INKA2: variants seen among roughly 807,000 people sequenced by gnomAD.
INKA2 encodes the protein PAK4-inhibitor INKA2.
A neutral mutation model predicts 9.8 loss-of-function variants in INKA2; 3 were observed. The ratio of observed to expected loss-of-function variants is 0.31; its 90% confidence interval spans 0.14 to 0.79. INKA2 has a LOEUF of 0.79. INKA2 is among the 30% of genes least tolerant of loss of function. The pLI is 0.62. For synonymous variants in INKA2, 147 were observed against 143.3 expected (o/e 1.03, Z -0.18); for missense variants, 392 against 384.4 (o/e 1.02, Z -0.17).
In INKA2 at chr1:111,723,151, G is replaced by A; in HGVS notation, c.*3817C>T. On this transcript the variant is annotated 3_prime_UTR_variant, in exon 2 of 2. Coordinates refer to ENST00000357260, the MANE Select transcript of INKA2 (RefSeq NM_019099.5). ...ACCTGAGGTGGGTTCTGGCTGCTCT[G>A]GAGAAGGTGGGGACAAGGTGTGCTC... The A allele has an allele frequency of 2.9e-6, 2 of 690,782 alleles. No homozygotes were observed. The highest frequency in any genetic ancestry group is 2.6e-6 in the Non-Finnish European group (1 of 379,430). 42.8% of individuals were successfully genotyped at this position (690,782 alleles called of 1,614,324 possible).
chr1:111,743,194 C>T (rs761938069), upstream of INKA2, among the ~76,000 whole-genome samples: 2 of 152,166 alleles, frequency 1.3e-5, no homozygotes, highest in African/African-American at 2.4e-5. Flanking sequence ...CCACCCACCC[C>T]CCTCCGAAAC....
In INKA2 at chr1:111,727,751, C is replaced by T. The variant is rs1426703311; in HGVS notation, c.111G>A (p.Met37Ile). ...DGLQDQMNCM[M>I]GALQELKLLQ... ...GGAGCTTCAGTTCTTGCAGTGCACCCATCATGCAGTTCATCTGATCCTGTA... is the reference window on the plus strand; with the variant it reads ...GGAGCTTCAGTTCTTGCAGTGCACCTATCATGCAGTTCATCTGATCCTGTA... The change falls in exon 2 of 2, where the codon ATG becomes ATA. Residue 37 changes from methionine (M) to isoleucine (I), a missense_variant. Met to Ile is a conservative substitution (Grantham distance 10). Coordinates refer to ENST00000357260, the MANE Select transcript of INKA2 (RefSeq NM_019099.5). The T allele has an allele frequency of 6.2e-7, 1 of 1,612,840 alleles. No individual in the cohort carries two copies. The highest frequency in any genetic ancestry group is 8.5e-7 in the Non-Finnish European group (1 of 1,180,034).
intron 1 of INKA2, among the ~76,000 whole-genome samples, chr1:111,750,795 C>T (rs934460948): frequency 6.6e-5 from 10 of 152,176 alleles, no homozygotes; most frequent in Non-Finnish European, 1.2e-4. Context: ...CTGTATTTCT[C>T]TTTACTGCTA....
Position 111,726,920 on chromosome 1 carries a change from A to T in INKA2, c.*48T>A. ...CCTCCCTCCTCCCCAGGGGCCCAGC[A>T]CTGGGACCTGGCCCTTTCAGGCTCA... is the stretch of plus-strand genomic sequence containing the variant. On this transcript the variant is annotated 3_prime_UTR_variant, in exon 2 of 2. Transcript: ENST00000357260. The T allele has an allele frequency of 5.2e-6, 8 of 1,552,274 alleles. No homozygotes were observed. The highest frequency in any genetic ancestry group is 7.0e-6 in the Non-Finnish European group (8 of 1,136,642).
chr1:111,727,935 C>T lies in INKA2; in HGVS notation c.58-131G>A. The T allele has an allele frequency of 9.7e-6, 8 of 823,274 alleles. 1 individual carries two copies. In the South Asian group the frequency reaches 1.2e-4, roughly 12 times the overall value. 51.0% of individuals were successfully genotyped at this position (823,274 alleles called of 1,614,324 possible). ...ATCCAGCCTGCCACCAGCCCCATCT[C>T]TCTATAGCCTAGTGCAGTGCAGATC... is the stretch of plus-strand genomic sequence containing the variant. On this transcript the variant is annotated intron_variant, in intron 1 of 1. Transcript: ENST00000357260.
chr1:111,755,693 C>G lies in INKA2; in HGVS notation n.124+8G>C, dbSNP rs548831610. 6 of 1,613,700 alleles carry G rather than the reference C, an allele frequency of 3.7e-6. No homozygotes were observed. In the South Asian group the frequency reaches 6.6e-5, roughly 18 times the overall value. On this transcript the variant is annotated splice_region_variant and intron_variant and non_coding_transcript_variant, in intron 1 of 1. Coordinates refer to the INKA2 transcript ENST00000444059. ...GGCGCCCTCTGCAGGCCACAGGCAG[C>G]GACTCACCAGTTGCCTCATCTTTCC...
chr1:111,732,568 T>TACATACAC (rs1553231593), intron 1 of INKA2, among the ~76,000 whole-genome samples: 3 of 142,864 alleles, frequency 2.1e-5, no homozygotes, highest in Admixed American at 7.0e-5. Flanking sequence ...CTCTCTCTGT[T>TACATACAC]ACACACACAC....
exon 1 of INKA2, chr1:111,755,718 C>G (rs775894300): frequency 6.2e-7 from 1 of 1,613,748 alleles, no homozygotes; most frequent in Non-Finnish European, 8.5e-7. Context: ...CTCATCTTTC[C>G]TCTCCTCCCT....
intron 1 of INKA2, among the ~76,000 whole-genome samples, chr1:111,731,620 C>G (rs1234044498): frequency 6.6e-6 from 1 of 152,130 alleles, no homozygotes; most frequent in South Asian, 2.1e-4. Flanking sequence ...CCAAAGTGCT[C>G]GGCTAACAGG....
At chr1:111,742,014 C>G (rs905569465), upstream of INKA2, among the ~76,000 whole-genome samples, 10 of 152,134 alleles carry the variant, frequency 6.6e-5, no homozygotes, top group African/African-American at 2.4e-4. Context: ...CCGTGCCTGG[C>G]CTGGTGAAAT....
chr1:111,740,797 A>AC (rs1391322026), upstream of INKA2, among the ~76,000 whole-genome samples: 7 of 151,662 alleles, frequency 4.6e-5, no homozygotes, highest in African/African-American at 1.7e-4. Context: ...ACATGGAGAA[A>AC]CCCCGTCTCC....
chr1:111,749,447 CGCGCGCGCGCGT>C (rs1663350539), intron 1 of INKA2, among the ~76,000 whole-genome samples: 1 of 106,672 alleles, frequency 9.4e-6, no homozygotes, highest in African/African-American at 3.9e-5. Context: ...TGTGTGTGTG[CGCGCGCGCGCGT>C]GCTAGGGAGC....
chr1:111,743,191 C>A (rs1663184417), upstream of INKA2, among the ~76,000 whole-genome samples: 1 of 152,166 alleles, frequency 6.6e-6, no homozygotes, highest in Non-Finnish European at 1.5e-5. Context: ...CTTCCACCCA[C>A]CCCCCTCCGA....
intron 1 of INKA2, among the ~76,000 whole-genome samples, chr1:111,733,700 T>C (rs1662957070): frequency 6.6e-6 from 1 of 152,186 alleles, no homozygotes; most frequent in Admixed American, 6.5e-5. Context: ...CAGCTGGCCA[T>C]GGACAGCACC....
intron 1 of INKA2, among the ~76,000 whole-genome samples, chr1:111,732,403 G>C (rs537284035): frequency 6.6e-6 from 1 of 152,072 alleles, no homozygotes; most frequent in Non-Finnish European, 1.5e-5. Flanking sequence ...TGCAGGGTGC[G>C]GAGTTCCTCC....
chr1:111,723,244 A>T lies in INKA2; in HGVS notation c.*3724T>A. Reference sequence around the variant, plus strand: ...GGAAAGATGGAGGAGCCTCTCCCCAACAAGGCCCTAGGGAGGAGATGGGGA... The same window carrying T: ...GGAAAGATGGAGGAGCCTCTCCCCATCAAGGCCCTAGGGAGGAGATGGGGA... On this transcript the variant is annotated 3_prime_UTR_variant, in exon 2 of 2. Transcript: ENST00000357260. The T allele has an allele frequency of 1.7e-6, 1 of 596,276 alleles. No homozygotes were observed. The highest frequency in any genetic ancestry group is 3.4e-4 in the Middle Eastern group (1 of 2,946). The allele number at this position is 596,276 out of a possible 1,614,324, so 36.9% of individuals were successfully genotyped here.
chr1:111,748,129 C>T (rs197376), intron 1 of INKA2, among the ~76,000 whole-genome samples: 21,844 of 152,196 alleles, frequency 0.14, 1,783 homozygotes, highest in African/African-American at 0.22. Flanking sequence ...CATGTGCTTG[C>T]AGGTGGGCTG....
intron 1 of INKA2, among the ~76,000 whole-genome samples, chr1:111,752,324 TC>T (rs1321925029): frequency 6.6e-6 from 1 of 152,214 alleles, no homozygotes; most frequent in Non-Finnish European, 1.5e-5. Flanking sequence ...CTTTCTTGGC[TC>T]CCCACATCTG....
In INKA2 at chr1:111,723,542, G is replaced by A. The variant is rs980095697; in HGVS notation, c.*3426C>T. On this transcript the variant is annotated 3_prime_UTR_variant, in exon 2 of 2. Transcript: ENST00000357260. ...GGCCCTTGTACCTGCCAGGGAAGTGGGGCAGGGTGGGGTGGGGCTACATGT... is the reference window on the plus strand; with the variant it reads ...GGCCCTTGTACCTGCCAGGGAAGTGAGGCAGGGTGGGGTGGGGCTACATGT... The A allele has an allele frequency of 3.2e-5, 6 of 187,054 alleles. No individual in the cohort carries two copies. The highest frequency in any genetic ancestry group is 1.2e-4 in the East Asian group (1 of 8,030). The allele number at this position is 187,054 out of a possible 1,614,324, so 11.6% of individuals were successfully genotyped here.
Sources: gnomAD v4.1 joint callset for allele counts (sites outside exome capture counted in the v4.1 genomes callset) on GRCh38, gnomAD v4.1.1 for gene constraint, MANE v1.5 for transcripts, NCBI Gene and HGNC (gene_info 2026-07-23, HGNC 2026-07-21) for gene names.